The following NSL1 variants were observed in gnomAD, a reference collection of about 807,000 sequenced individuals.
The protein encoded by NSL1 is kinetochore-associated protein NSL1 homolog.
Under a neutral mutation model 25.4 loss-of-function variants are expected in NSL1, and 11 were observed. That is an observed-to-expected ratio of 0.43 (90% CI 0.27 to 0.72). The LOEUF (loss-of-function observed/expected upper bound fraction) is 0.72. Among genes scored for constraint, NSL1 ranks in the 30% least tolerant of loss-of-function variants. The pLI is 0.19. For missense variants in NSL1, 330 were observed against 342.7 expected, an observed-to-expected ratio of 0.96 and a Z score of 0.29; for synonymous variants, 118 against 120.6, an observed-to-expected ratio of 0.98 and a Z score of 0.14.
chr1:212,737,924 T>A lies in NSL1; in HGVS notation c.*484A>T. The A allele has an allele frequency of 1.0e-6, 1 of 985,456 alleles. No homozygotes were observed. The highest frequency in any genetic ancestry group is 1.2e-6 in the Non-Finnish European group (1 of 830,122). 61.0% of individuals were successfully genotyped at this position (985,456 alleles called of 1,614,324 possible). A position where few individuals can be genotyped will look rare whatever the true frequency, so the allele number is the denominator to read the frequency against. On this transcript the variant is annotated 3_prime_UTR_variant, in exon 6 of 6. Transcript: ENST00000366977. ...ATCATCAGCACATTAATTTGATAAATCAAACTACATCTTTAAAAAAAAACC... is the reference window on the plus strand; with the variant it reads ...ATCATCAGCACATTAATTTGATAAAACAAACTACATCTTTAAAAAAAAACC...
At chr1:212,755,538 A>G (rs928976063) in intron 4 of NSL1, among the ~76,000 whole-genome samples, 2 of 151,826 alleles carry the variant, frequency 1.3e-5, no homozygotes, top group African/African-American at 4.8e-5. Context: ...ATGTTGAGTG[A>G]AAAAAGAAAA....
rs200967021 is a variant in NSL1, at chr1:212,790,933, AAT to A, written c.234+595_234+596del. On this transcript the variant is annotated intron_variant, in intron 1 of 5. Transcript: ENST00000366977. ...GCGAGACTCTGTCTCAAAAAAAAAA[AAT>A]AAAATAAAATAAATAAATAAATAAA... is the stretch of plus-strand genomic sequence containing the variant. 3.1e-3 allele frequency among the ~76,000 whole-genome samples: 462 copies of A among 147,906 alleles called. 4 individuals are homozygous for A. The highest frequency in any genetic ancestry group is 0.012 in the African/African-American group (442 of 37,654).
chr1:212,790,549 T>C (rs1013505164), intron 1 of NSL1, among the ~76,000 whole-genome samples: 6 of 151,992 alleles, frequency 3.9e-5, no homozygotes, highest in African/African-American at 1.4e-4. Context: ...CCAATCTACT[T>C]ATATTAGCGG....
rs144315675 is a variant in NSL1 at position 212,733,566 on chromosome 1, C to T, written c.*4842G>A. Reference sequence around the variant, plus strand: ...GTAGATTTGCCTGTTCTGGACAGTTCATTTACATGGAGTCTACAAAATTCA... The same window carrying T: ...GTAGATTTGCCTGTTCTGGACAGTTTATTTACATGGAGTCTACAAAATTCA... On this transcript the variant is annotated 3_prime_UTR_variant, in exon 6 of 6. Coordinates refer to ENST00000366977, the MANE Select transcript of NSL1 (RefSeq NM_015471.4). 7.2e-3 allele frequency among the ~76,000 whole-genome samples: 1,102 copies of T among 152,174 alleles called. 5 individuals carry two copies. The highest frequency in any genetic ancestry group is 0.017 in the Middle Eastern group (5 of 294).
rs566389350 is a variant in NSL1, at chr1:212,726,932, C to T, written c.*11476G>A. 2.3e-4 allele frequency: 109 copies of T among 482,778 alleles called. 1 individual carries two copies. The South Asian group carries it at 3.8e-3, about 17-fold the overall frequency. 29.9% of individuals were successfully genotyped at this position (482,778 alleles called of 1,614,324 possible). ...GACACCAGCACAGCACGGACTTTCC[C>T]GTCCTGTCTCTTCATGGTGGGTGAA... On this transcript the variant is annotated 3_prime_UTR_variant, in exon 6 of 6. Transcript: ENST00000366977.
chr1:212,777,504 G>C (rs1467488200), intron 4 of NSL1, among the ~76,000 whole-genome samples: 2 of 152,192 alleles, frequency 1.3e-5, no homozygotes, highest in African/African-American at 4.8e-5. Flanking sequence ...TGAATAGAGA[G>C]CTCTGCGTGT....
At chr1:212,746,015 A>G (rs1658774795) in intron 4 of NSL1, among the ~76,000 whole-genome samples, 1 of 152,184 alleles carries the variant, frequency 6.6e-6, no homozygotes, top group South Asian at 2.1e-4. Flanking sequence ...AGGAGTTAAT[A>G]ATTAGTAAAC....
intron 3 of NSL1, among the ~76,000 whole-genome samples, chr1:212,783,324 G>C (rs1027912718): frequency 6.6e-6 from 1 of 152,036 alleles, no homozygotes; most frequent in Admixed American, 6.6e-5. Flanking sequence ...CAGTAACAAG[G>C]GCAACACTGA....
At chr1:212,778,887 G>C (rs1172576203) in intron 4 of NSL1, among the ~76,000 whole-genome samples, 2 of 151,274 alleles carry the variant, frequency 1.3e-5, no homozygotes, top group Non-Finnish European at 2.9e-5. Context: ...GAGCCCCTCT[G>C]CCCGGCTGCC....
At chr1:212,755,022 T>A (rs532076238) in intron 4 of NSL1, among the ~76,000 whole-genome samples, 1 of 152,196 alleles carries the variant, frequency 6.6e-6, no homozygotes, top group South Asian at 2.1e-4. Flanking sequence ...GTGAAAGCAG[T>A]GGTAGACAGA....
In NSL1 at chr1:212,782,518, A is replaced by G. The variant is rs1660772677; in HGVS notation, c.445-92T>C. ...AATATGGGAGATATACTATAGAGTC[A>G]GTACCATTCTTTTGAGGAAAAAAAA... On this transcript the variant is annotated intron_variant, in intron 3 of 5. Transcript: ENST00000366977. 3 of 932,052 alleles carry G rather than the reference A, an allele frequency of 3.2e-6. 1 individual carries two copies. Among genetic ancestry groups the G allele is most frequent in the South Asian group, 1.4e-5 (1 of 71,752 alleles). 57.7% of individuals were successfully genotyped at this position (932,052 alleles called of 1,614,324 possible).
At chr1:212,740,250 T>C (rs190234064) in intron 4 of NSL1, among the ~76,000 whole-genome samples, 1 of 152,302 alleles carries the variant, frequency 6.6e-6, no homozygotes, top group Non-Finnish European at 1.5e-5. Flanking sequence ...AGCAAGTACA[T>C]AACTATGTTA....
At chr1:212,779,237 GT>G (rs1182148165) in intron 4 of NSL1, among the ~76,000 whole-genome samples, 59 of 132,896 alleles carry the variant, frequency 4.4e-4, no homozygotes, top group South Asian at 9.6e-4. Context: ...GAGGTGGGGG[GT>G]GGGGTCAGCC....
chr1:212,786,104 C>T (rs565312190), intron 2 of NSL1, among the ~76,000 whole-genome samples: 1 of 144,444 alleles, frequency 6.9e-6, no homozygotes, highest in East Asian at 2.0e-4. Context: ...TCTTTCCTTT[C>T]CTCCCTCCTT....
rs1213068427 is a variant in NSL1 at position 212,728,713 on chromosome 1, T to G, written c.*9695A>C. On this transcript the variant is annotated 3_prime_UTR_variant, in exon 6 of 6. Transcript: ENST00000366977. ...TGAGATCTCTGGAGAATGGAACACC[T>G]TCACAGACAACATCAGGGATAAACC... 19 of 985,322 alleles carry G rather than the reference T, an allele frequency of 1.9e-5. No individual in the cohort carries two copies. Among genetic ancestry groups the G allele is most frequent in the Non-Finnish European group, 2.2e-5 (18 of 829,950 alleles). 61.0% of individuals were successfully genotyped at this position (985,322 alleles called of 1,614,324 possible). A position where few individuals can be genotyped will look rare whatever the true frequency, so the allele number is the denominator to read the frequency against.
chr1:212,765,666 C>T (rs1659769581), intron 4 of NSL1, among the ~76,000 whole-genome samples: 1 of 151,852 alleles, frequency 6.6e-6, no homozygotes, highest in Non-Finnish European at 1.5e-5. Context: ...ACTAAAAATA[C>T]AAAAATTAGC....
At chr1:212,745,199 T>C (rs922107863) in intron 4 of NSL1, among the ~76,000 whole-genome samples, 212 of 77,710 alleles carry the variant, frequency 2.7e-3, no homozygotes, top group Non-Finnish European at 3.8e-3. Flanking sequence ...TATATATATA[T>C]ATATGCATAT....
Position 212,732,931 on chromosome 1 carries a change from T to G in NSL1, c.*5477A>C, listed in dbSNP as rs1181340474. Among the ~76,000 whole-genome samples, 1 of 152,234 alleles carries G rather than the reference T, an allele frequency of 6.6e-6. No homozygotes were observed. Among genetic ancestry groups the G allele is most frequent in the African/African-American group, 2.4e-5 (1 of 41,472 alleles). On this transcript the variant is annotated 3_prime_UTR_variant, in exon 6 of 6. Transcript: ENST00000366977. ...TGCTTCTAGATTTTAGGATTGTTGT[T>G]TAGTAATCTGATGCCATTCCAATTC...
rs975610877 is a variant in NSL1 at position 212,737,037 on chromosome 1, T to C, written c.*1371A>G. On this transcript the variant is annotated 3_prime_UTR_variant, in exon 6 of 6. Transcript: ENST00000366977. ...GCACTGTAAAAACAGCAACATATTATACAGCCTCAAAACAGTTTTAAACTG... is the reference window on the plus strand; with the variant it reads ...GCACTGTAAAAACAGCAACATATTACACAGCCTCAAAACAGTTTTAAACTG... 2 of 985,232 alleles carry C rather than the reference T, an allele frequency of 2.0e-6. No individual in the cohort carries two copies. Among genetic ancestry groups the C allele is most frequent in the African/African-American group, 3.5e-5 (2 of 57,246 alleles). 61.0% of individuals were successfully genotyped at this position (985,232 alleles called of 1,614,324 possible). A position where few individuals can be genotyped will look rare whatever the true frequency, so the allele number is the denominator to read the frequency against.
Sources: allele counts gnomAD v4.1 joint callset (sites outside exome capture counted in the v4.1 genomes callset), GRCh38; gene constraint gnomAD v4.1.1; transcripts MANE v1.5; gene names NCBI Gene and HGNC (gene_info 2026-07-23, HGNC 2026-07-21).